Variants in KRT18 observed in about 807,000 individuals in gnomAD.
KRT18 encodes keratin, type I cytoskeletal 18.
KRT18 carries 8 observed loss-of-function variants against 39.9 expected under a neutral mutation model. The ratio of observed to expected loss-of-function variants is 0.20; its 90% CI spans 0.12 to 0.36. The LOEUF is 0.36. Ranked by LOEUF, KRT18 falls within the 10% of genes least tolerant of loss-of-function variation. The pLI is 1.00. For synonymous variants in KRT18, 194 were observed against 227.8 expected, an observed-to-expected ratio of 0.85 and a Z score of 1.33; for missense variants, 396 against 565.7, an observed-to-expected ratio of 0.70 and a Z score of 3.04.
At chr12:52,950,726 C>T (rs768010605) in intron 2 of KRT18, 24 bp from the exon 3 acceptor site, 2 of 1,605,224 alleles carry the variant, frequency 1.2e-6, no homozygotes, top group South Asian at 2.2e-5. Flanking sequence ...ATAGGGGCCC[C>T]TCTGATCACC....
chr12:52,948,915 G>A, upstream of KRT18: 1 of 435,156 alleles, frequency 2.3e-6, no homozygotes, highest in Non-Finnish European at 4.0e-6. Context: ...GTCCATGCCC[G>A]GTTGGCCACC....
chr12:52,950,448 G>A lies in KRT18; in HGVS notation c.500+38G>A, dbSNP rs143051595. The A allele has an allele frequency of 2.3e-3, 3,397 of 1,467,742 alleles. 12 individuals carry two copies. The highest frequency in any genetic ancestry group is 2.7e-3 in the Non-Finnish European group (2,878 of 1,048,684). 90.9% of individuals were successfully genotyped at this position (1,467,742 alleles called of 1,614,324 possible). A position where few individuals can be genotyped will look rare whatever the true frequency, so the allele number is the denominator to read the frequency against. ...GCTAGAGAGCTGGGGGTCCAGGGGT[G>A]GAGCTAAGAAGGATCTGCTCCCCAG... On this transcript the variant is annotated intron_variant, in intron 2 of 6. Transcript: ENST00000388835.
Position 52,952,745 on chromosome 12 carries a change from G to A in KRT18, c.1196G>A (p.Ser399Asn). 2 of 1,612,942 alleles carry A rather than the reference G, an allele frequency of 1.2e-6. No homozygotes were observed. Among genetic ancestry groups the A allele is most frequent in the South Asian group, 2.2e-5 (2 of 91,016 alleles). ...AGTCTTGGTGATGCCTTGGACAGCA[G>A]CAACTCCATGCAAACCATCCAAAAG... ...DFNLGDALDSSNSMQTIQKTT... is the reference protein window; with the variant it reads ...DFNLGDALDSNNSMQTIQKTT... Residue 399 changes from serine to asparagine, a missense_variant, in exon 7 of 7, where the codon AGC becomes AAC. By Grantham distance (46) the Ser-to-Asn change is conservative. Coordinates refer to ENST00000388835, the MANE Select transcript of KRT18 (RefSeq NM_000224.3).
chr12:52,949,715 C>T, intron 1 of KRT18, 125 bp downstream of exon 1: 5 of 892,102 alleles, frequency 5.6e-6, no homozygotes, highest in Non-Finnish European at 9.2e-6. Context: ...TTGGGCATAC[C>T]TGGATTTCCA....
Position 52,952,502 on chromosome 12 carries a change from T to TA in KRT18, c.1172+161dup. On this transcript the variant is annotated intron_variant, in intron 6 of 6. Coordinates refer to ENST00000388835, the MANE Select transcript of KRT18 (RefSeq NM_000224.3). ...CCTGTGTCTTCAAGGGAGTAACAGTTACAGAGGTCTCCCCCTTGAAGAAAG... is the reference window on the plus strand; with the variant it reads ...CCTGTGTCTTCAAGGGAGTAACAGTTAACAGAGGTCTCCCCCTTGAAGAAAG... The TA allele has an allele frequency of 5.3e-6, 4 of 748,684 alleles. No homozygotes were observed. The South Asian group carries it at 6.1e-5, about 11-fold the overall frequency. 46.4% of individuals were successfully genotyped at this position (748,684 alleles called of 1,614,324 possible).
chr12:52,949,497 G>A lies in KRT18; in HGVS notation c.324G>A (p.Leu108=). 6.2e-7 allele frequency: 1 copy of A among 1,613,594 alleles called. No homozygotes were observed. The highest frequency in any genetic ancestry group is 8.5e-7 in the Non-Finnish European group (1 of 1,180,036). Residue 108 remains leucine (L), a synonymous_variant, in exon 1 of 7, where the codon CTG becomes CTA. Transcript: ENST00000388835. ...VRSLETENRR[L]ESKIREHLEK... is the part of the protein sequence containing the mutation. ...GCCTGGAGACCGAGAACCGGAGGCT[G>A]GAGAGCAAAATCCGGGAGCACTTGG... is the stretch of plus-strand genomic sequence containing the variant.
intron 1 of KRT18, chr12:52,949,973 A>T: frequency 1.6e-6 from 1 of 613,230 alleles, no homozygotes; most frequent in African/African-American, 1.8e-5. Flanking sequence ...TTCCTTTGGG[A>T]GGAGCCAATC....
At chr12:52,950,561 C>A (rs557470791) in intron 2 of KRT18, 151 bp downstream of exon 2, 34 of 823,142 alleles carry the variant, frequency 4.1e-5, no homozygotes, top group Non-Finnish European at 6.6e-5. Context: ...TTTAACTGTT[C>A]ATTTGTATAA....
chr12:52,949,937 A>C lies in KRT18; in HGVS notation c.417+347A>C, dbSNP rs1181049395. 5 of 634,030 alleles carry C rather than the reference A, an allele frequency of 7.9e-6. No individual in the cohort carries two copies. The African/African-American group carries it at 9.1e-5, about 12-fold the overall frequency. The allele number at this position is 634,030 out of a possible 1,614,324, so 39.3% of individuals were successfully genotyped here. A position where few individuals can be genotyped will look rare whatever the true frequency, so the allele number is the denominator to read the frequency against. On this transcript the variant is annotated intron_variant, in intron 1 of 6. Coordinates refer to ENST00000388835, the MANE Select transcript of KRT18 (RefSeq NM_000224.3). ...GGTTAAGCGGATGTGGCTAAGGCTGAGTCATCTAGGAGTAAACAAGAGGCC... is the reference window on the plus strand; with the variant it reads ...GGTTAAGCGGATGTGGCTAAGGCTGCGTCATCTAGGAGTAAACAAGAGGCC...
At chr12:52,950,436 G>C in intron 2 of KRT18, 26 bp downstream of exon 2, 1 of 1,530,192 alleles carries the variant, frequency 6.5e-7, no homozygotes, top group Non-Finnish European at 9.0e-7. Context: ...AGAGAGCTGG[G>C]GGTCCAGGGG....
intron 1 of KRT18, 110 bp downstream of exon 1, chr12:52,949,700 G>T: frequency 9.8e-7 from 1 of 1,020,926 alleles, no homozygotes; most frequent in Non-Finnish European, 1.5e-6. Flanking sequence ...TCCACCGGGA[G>T]GGGGTTGGGC....
chr12:52,951,771 A>T lies in KRT18; in HGVS notation c.863A>T (p.Glu288Val). Reference protein sequence around the residue: ...STTVVTTQSAEVGAAETTLTE... With the variant: ...STTVVTTQSAVVGAAETTLTE... ...ACAGTGGTCACCACACAGTCTGCTG[A>T]GGTTGGAGCTGCTGAGACGACGCTC... The change falls in exon 5 of 7, where the codon GAG becomes GTG. Residue 288 changes from glutamate (E) to valine (V), a missense_variant. Transcript: ENST00000388835. 3.1e-6 allele frequency: 5 copies of T among 1,613,182 alleles called. No individual in the cohort carries two copies. The highest frequency in any genetic ancestry group is 4.2e-6 in the Non-Finnish European group (5 of 1,179,996).
At chr12:52,949,900 G>T in intron 1 of KRT18, 1 of 672,910 alleles carries the variant, frequency 1.5e-6, no homozygotes, top group Non-Finnish European at 2.7e-6. Context: ...GGCGGAATGG[G>T]GACTATTGGA....
At chr12:52,950,659 A>C in intron 2 of KRT18, 91 bp from the exon 3 acceptor site, 1 of 1,386,444 alleles carries the variant, frequency 7.2e-7, no homozygotes, top group Admixed American at 2.0e-5. Flanking sequence ...CTGGTTTGCA[A>C]TGGGCACAGA....
Position 52,950,891 on chromosome 12 carries a change from G to C in KRT18, c.642G>C (p.Lys214Asn). 6.3e-7 allele frequency: 1 copy of C among 1,579,650 alleles called. No homozygotes were observed. The highest frequency in any genetic ancestry group is 8.6e-7 in the Non-Finnish European group (1 of 1,164,304). ...TCAAGGAGGAGCTGCTCTTCATGAAGAAGAACCACGAAGAGGCAAGCAGGG... is the reference window on the plus strand; with the variant it reads ...TCAAGGAGGAGCTGCTCTTCATGAACAAGAACCACGAAGAGGCAAGCAGGG... ...EALKEELLFM[K>N]KNHEEEVKGL... Residue 214 changes from lysine to asparagine, a missense_variant, in exon 3 of 7, where the codon AAG (lysine) becomes AAC (asparagine). Coordinates refer to ENST00000388835, the MANE Select transcript of KRT18 (RefSeq NM_000224.3).
chr12:52,950,657 C>A, intron 2 of KRT18, 93 bp from the exon 3 acceptor site: 1 of 1,364,844 alleles, frequency 7.3e-7, no homozygotes, highest in Non-Finnish European at 1.0e-6. Context: ...TGCTGGTTTG[C>A]AATGGGCACA....
chr12:52,951,033 T>C, intron 3 of KRT18, 127 bp downstream of exon 3: 1 of 899,126 alleles, frequency 1.1e-6, no homozygotes. Context: ...CCTGGGCTCT[T>C]CTTAAATAAG....
At chr12:52,949,100 G>A (rs1942408299), upstream of KRT18, 4 of 1,430,402 alleles carry the variant, frequency 2.8e-6, no homozygotes, top group Admixed American at 3.4e-5. Context: ...TATAACTCGG[G>A]TCGCGCGGCT....
intron 1 of KRT18, 138 bp downstream of exon 1, chr12:52,949,728 C>T (rs1243462946): frequency 1.2e-6 from 1 of 803,356 alleles, no homozygotes; most frequent in Non-Finnish European, 2.2e-6. Context: ...GATTTCCATC[C>T]GCGCACCTAG....
Sources: gnomAD v4.1 joint callset for allele counts on GRCh38, gnomAD v4.1.1 for gene constraint, MANE v1.5 for transcripts, NCBI Gene and HGNC (gene_info 2026-07-23, HGNC 2026-07-21) for gene names.